The following MCF2 variants were observed in gnomAD, a reference collection of about 807,000 sequenced individuals.
MCF2 encodes the protein proto-oncogene DBL.
Under a neutral mutation model 82.5 loss-of-function variants are expected in MCF2, and 44 were observed. The ratio of observed to expected loss-of-function variants is 0.53; its 90% CI spans 0.42 to 0.69. The LOEUF is 0.69. MCF2 is among the 30% of genes least tolerant of loss of function. The pLI is 0.00. For synonymous variants in MCF2, 217 were observed against 224.9 expected (o/e 0.96, Z 0.32); for missense variants, 623 against 663.1 (o/e 0.94, Z 0.66).
intron 1 of MCF2, 140 bp downstream of exon 1, chrX:139,707,966 A>G (rs1935623157): frequency 8.9e-6 from 1 of 111,775 alleles, no homozygotes; most frequent in East Asian, 2.8e-4. Flanking sequence ...GAAATGGGGG[A>G]TTCTGGGGAA....
intron 1 of MCF2, among the ~76,000 whole-genome samples, chrX:139,670,751 T>C (rs909397365): frequency 1.8e-5 from 2 of 112,147 alleles, no homozygotes; most frequent in Admixed American, 1.9e-4. Context: ...ATTGCTATTG[T>C]GAATAGTGCT....
At chrX:139,706,595 AC>A (rs1603312419) in intron 1 of MCF2, among the ~76,000 whole-genome samples, 1 of 110,332 alleles carries the variant, frequency 9.1e-6, no homozygotes, top group African/African-American at 3.3e-5. Context: ...AAAAAAAAAA[AC>A]AACTATTGGG....
At chrX:139,623,373 T>C (rs985660403) in intron 6 of MCF2, among the ~76,000 whole-genome samples, 2 of 111,586 alleles carry the variant, frequency 1.8e-5, no homozygotes, top group African/African-American at 6.5e-5. Context: ...GTGGTACAAA[T>C]ACATCATGGA....
chrX:139,635,299 G>A (rs910854322), intron 1 of MCF2, among the ~76,000 whole-genome samples: 10 of 110,199 alleles, frequency 9.1e-5, no homozygotes, highest in Admixed American at 8.7e-4. Context: ...GAGTTCCAAC[G>A]GTAATGTATA....
intron 16 of MCF2, among the ~76,000 whole-genome samples, chrX:139,600,322 A>C (rs778132188): frequency 2.8e-4 from 31 of 111,790 alleles, no homozygotes; most frequent in African/African-American, 9.7e-4. Context: ...TACAAGAAGA[A>C]AATAAATGGC....
intron 24 of MCF2, among the ~76,000 whole-genome samples, chrX:139,584,621 G>T (rs1046778262): frequency 1.8e-5 from 2 of 111,599 alleles, no homozygotes; most frequent in African/African-American, 6.5e-5. Flanking sequence ...GTATTTTTGA[G>T]AACACACTAA....
chrX:139,590,389 ACATCTAATT>A (rs1454582942), intron 19 of MCF2, among the ~76,000 whole-genome samples: 1 of 110,937 alleles, frequency 9.0e-6, no homozygotes. Flanking sequence ...CAAGTTATAA[ACATCTAATT>A]CATGGGACAG....
intron 13 of MCF2, 53 bp from the exon 18 acceptor site, chrX:139,605,037 G>T: frequency 4.6e-6 from 3 of 648,388 alleles, no homozygotes; most frequent in South Asian, 7.2e-5. Flanking sequence ...TGCACATTTG[G>T]TTGGGCTACT....
chrX:139,670,541 C>T (rs957963996), intron 1 of MCF2, among the ~76,000 whole-genome samples: 2 of 110,511 alleles, frequency 1.8e-5, no homozygotes, highest in African/African-American at 3.3e-5. Context: ...CAATTCCCAC[C>T]TATGGGTCAG....
intron 1 of MCF2, among the ~76,000 whole-genome samples, chrX:139,636,574 A>T (rs1456679691): frequency 1.8e-5 from 2 of 110,962 alleles, no homozygotes; most frequent in Non-Finnish European, 3.8e-5. Context: ...ATGGGAGGAT[A>T]CTATGGGAAT....
intron 1 of MCF2, chrX:139,691,801 AG>A: frequency 1.8e-6 from 1 of 548,745 alleles, no homozygotes; most frequent in East Asian, 3.7e-5. Flanking sequence ...GCGCGCGGGG[AG>A]GGGTGTGGAC....
intron 2 of MCF2, 50 bp from the exon 6 acceptor site, chrX:139,631,561 C>A: frequency 1.4e-6 from 1 of 709,571 alleles, no homozygotes; most frequent in East Asian, 3.3e-5. Flanking sequence ...CATGCCATCC[C>A]TCCATTAAAC....
intron 1 of MCF2, among the ~76,000 whole-genome samples, chrX:139,692,497 G>A (rs1306522201): frequency 8.9e-6 from 1 of 111,960 alleles, no homozygotes; most frequent in Non-Finnish European, 1.9e-5. Flanking sequence ...CTTAGCCACC[G>A]GTGGATGAAA....
chrX:139,619,982 T>C (rs1932219472), intron 6 of MCF2, among the ~76,000 whole-genome samples: 1 of 99,660 alleles, frequency 1.0e-5, no homozygotes, highest in Non-Finnish European at 2.0e-5. Context: ...GAGGTATGTA[T>C]AGGTATATAT....
intron 23 of MCF2, among the ~76,000 whole-genome samples, chrX:139,585,717 A>T (rs1361625755): frequency 1.8e-5 from 2 of 111,783 alleles, no homozygotes; most frequent in African/African-American, 6.5e-5. Context: ...TTTACTTTTA[A>T]TTGCTTGTTT....
At chrX:139,640,003 T>A (rs768261527) in intron 1 of MCF2, among the ~76,000 whole-genome samples, 1 of 110,901 alleles carries the variant, frequency 9.0e-6, no homozygotes, top group Non-Finnish European at 1.9e-5. Flanking sequence ...TATTCCCTTT[T>A]TACAGAGGAG....
intron 2 of MCF2, among the ~76,000 whole-genome samples, chrX:139,648,627 G>T (rs185656405): frequency 3.2e-3 from 358 of 111,491 alleles, no homozygotes; most frequent in African/African-American, 0.011. Flanking sequence ...CATCAAACTG[G>T]ATAAAAAGAA....
chrX:139,650,309 G>A (rs780739982), intron 2 of MCF2, among the ~76,000 whole-genome samples: 3 of 111,318 alleles, frequency 2.7e-5, no homozygotes, highest in Admixed American at 9.6e-5. Context: ...AGCTATGATC[G>A]TACCACTGTA....
At chrX:139,624,177 T>C (rs1932613336) in intron 6 of MCF2, among the ~76,000 whole-genome samples, 1 of 111,325 alleles carries the variant, frequency 9.0e-6, no homozygotes, top group Admixed American at 9.6e-5. Flanking sequence ...TAGCTGGTCA[T>C]ATATACTAAA....
Sources: gnomAD v4.1 joint callset for allele counts (sites outside exome capture counted in the v4.1 genomes callset) on GRCh38, gnomAD v4.1.1 for gene constraint, MANE v1.5 for transcripts, NCBI Gene and HGNC (gene_info 2026-07-23, HGNC 2026-07-21) for gene names.